The following CNIH3 variants were observed in gnomAD, a reference collection of about 807,000 sequenced individuals.
The protein encoded by CNIH3 is cornichon family AMPA receptor auxiliary protein 3, also known as protein cornichon homolog 3.
In CNIH3, 14 loss-of-function variants were observed where a neutral mutation model predicts 24.1. The observed-to-expected ratio is 0.58, with a 90% CI of 0.38 to 0.91. The LOEUF (loss-of-function observed/expected upper bound fraction) is 0.91. Ranked by LOEUF, CNIH3 falls within the 40% of genes least tolerant of loss-of-function variation. The pLI is 0.00. For missense variants in CNIH3, 178 were observed against 196.8 expected (o/e 0.90, Z 0.57); for synonymous variants, 68 against 73.8 (o/e 0.92, Z 0.40).
At chr1:224,554,467 T>TA (rs1366407304) in intron 3 of CNIH3, among the ~76,000 whole-genome samples, 1 of 152,020 alleles carries the variant, frequency 6.6e-6, no homozygotes, top group East Asian at 1.9e-4. Flanking sequence ...AAAGATTTTT[T>TA]AAAAAAATGG....
intron 3 of CNIH3, among the ~76,000 whole-genome samples, chr1:224,561,616 A>G (rs557575620): frequency 6.6e-6 from 1 of 152,312 alleles, no homozygotes; most frequent in East Asian, 1.9e-4. Context: ...CGTCAGCCAA[A>G]CGAGACTTTC....
At chr1:224,716,702 C>T (rs1373581643) in intron 3 of CNIH3, among the ~76,000 whole-genome samples, 1 of 152,098 alleles carries the variant, frequency 6.6e-6, no homozygotes, top group African/African-American at 2.4e-5. Context: ...CTGGGAGGCA[C>T]TGTGATGGAG....
chr1:224,437,441 A>C, intron 1 of CNIH3, among the ~76,000 whole-genome samples: 1 of 152,222 alleles, frequency 6.6e-6, no homozygotes, highest in South Asian at 2.1e-4. Flanking sequence ...TGTAGAATCA[A>C]ATATCGAGTA....
At chr1:224,585,871 T>C (rs2125020694) in intron 5 of CNIH3, among the ~76,000 whole-genome samples, 1 of 152,302 alleles carries the variant, frequency 6.6e-6, no homozygotes, top group East Asian at 1.9e-4. Flanking sequence ...ACAGGGGTCG[T>C]GGTTTAGCTT....
exon 1 of CNIH3, chr1:224,434,814 C>G (rs1674567810): frequency 1.0e-6 from 1 of 986,072 alleles, no homozygotes; most frequent in Non-Finnish European, 1.2e-6. Flanking sequence ...CAGGCGCTCG[C>G]GTCACAGGAA....
At chr1:224,702,853 C>A (rs1342125349) in intron 3 of CNIH3, among the ~76,000 whole-genome samples, 1 of 152,166 alleles carries the variant, frequency 6.6e-6, no homozygotes, top group African/African-American at 2.4e-5. Flanking sequence ...CCTTCCCTCT[C>A]ATTTCTTCCC....
At chr1:224,610,192 G>A (rs913657233) in intron 3 of CNIH3, among the ~76,000 whole-genome samples, 10 of 152,178 alleles carry the variant, frequency 6.6e-5, no homozygotes, top group African/African-American at 1.4e-4. Context: ...ATGTGTGATA[G>A]GTTCGATGTA....
intron 4 of CNIH3, chr1:224,574,765 G>T (rs1238289865): frequency 8.9e-7 from 1 of 1,118,252 alleles, no homozygotes; most frequent in Admixed American, 1.7e-5. Context: ...TACCTTATTC[G>T]CTGGCCAACC....
At chr1:224,705,929 C>G (rs553209856) in intron 3 of CNIH3, among the ~76,000 whole-genome samples, 5 of 135,842 alleles carry the variant, frequency 3.7e-5, no homozygotes, top group Non-Finnish European at 6.2e-5. Context: ...TTCGGGGAAG[C>G]CTTTTGCTTC....
At chr1:224,479,826 C>T (rs1323210303) in intron 1 of CNIH3, among the ~76,000 whole-genome samples, 1 of 152,228 alleles carries the variant, frequency 6.6e-6, no homozygotes, top group South Asian at 2.1e-4. Context: ...CTCCTGGCTG[C>T]TTTCATGGGC....
chr1:224,666,329 C>T (rs372863128), intron 1 of CNIH3, among the ~76,000 whole-genome samples: 1 of 152,136 alleles, frequency 6.6e-6, no homozygotes, highest in South Asian at 2.1e-4. Context: ...TGGCTCAGGT[C>T]TGGTAAGGGT....
chr1:224,574,574 C>T (rs748301155), intron 4 of CNIH3: 28 of 778,024 alleles, frequency 3.6e-5, no homozygotes, highest in Non-Finnish European at 4.7e-5. Flanking sequence ...ACTGTGCCCA[C>T]GTGTACCAGA....
intron 5 of CNIH3, among the ~76,000 whole-genome samples, chr1:224,585,485 T>TA (rs1558184588): frequency 6.6e-6 from 1 of 151,800 alleles, no homozygotes; most frequent in African/African-American, 2.4e-5. Flanking sequence ...TTCTTTTTTT[T>TA]TTTTTATTTT....
At chr1:224,722,466 G>A (rs1688772085) in intron 3 of CNIH3, among the ~76,000 whole-genome samples, 1 of 152,142 alleles carries the variant, frequency 6.6e-6, no homozygotes, top group South Asian at 2.1e-4. Flanking sequence ...GTAAGTCACT[G>A]GGGATTTTGT....
At chr1:224,610,741 T>G (rs910045535) in intron 3 of CNIH3, among the ~76,000 whole-genome samples, 1 of 152,148 alleles carries the variant, frequency 6.6e-6, no homozygotes, top group Non-Finnish European at 1.5e-5. Flanking sequence ...GTATAACAAC[T>G]CAGGAGGAGC....
chr1:224,596,856 A>T (rs1005481987), intron 3 of CNIH3, among the ~76,000 whole-genome samples: 1 of 152,190 alleles, frequency 6.6e-6, no homozygotes. Context: ...AGCAGGCATC[A>T]AAAAACAGAA....
intron 3 of CNIH3, among the ~76,000 whole-genome samples, chr1:224,717,125 T>C (rs1688470279): frequency 6.6e-6 from 1 of 152,224 alleles, no homozygotes; most frequent in Non-Finnish European, 1.5e-5. Context: ...TGTGTGTGTC[T>C]GTGTGTGTGC....
At position 224,734,024 on chromosome 1, in the gene CNIH3, G is replaced by T. The variant is rs117935251; in HGVS notation, c.312-539G>T. ...ACGTTCTTTCACTCACCCAGCTGCC[G>T]TCCAGGGCACGCTGTCTCCCGACAG... On this transcript the variant is annotated intron_variant, in intron 4 of 5. Transcript: ENST00000272133. 1.1e-3 allele frequency among the ~76,000 whole-genome samples: 172 copies of T among 152,270 alleles called. 4 individuals carry two copies. In the East Asian group the frequency reaches 0.028, roughly 25 times the overall value.
At chr1:224,593,209 G>A (rs887068369), downstream of CNIH3, among the ~76,000 whole-genome samples, 13 of 149,100 alleles carry the variant, frequency 8.7e-5, no homozygotes, top group African/African-American at 1.5e-4. Context: ...AGGCTGGAGC[G>A]CAGTGGCATG....
Sources: gnomAD v4.1 joint callset for allele counts (sites outside exome capture counted in the v4.1 genomes callset) on GRCh38, gnomAD v4.1.1 for gene constraint, MANE v1.5 for transcripts, NCBI Gene and HGNC (gene_info 2026-07-23, HGNC 2026-07-21) for gene names.